ZNF451: variants seen among roughly 807,000 people sequenced by gnomAD.
ZNF451 encodes zinc finger protein 451, also known as E3 SUMO-protein ligase ZNF451.
A neutral mutation model predicts 107.1 loss-of-function variants in ZNF451; 80 were observed. The ratio of observed to expected loss-of-function variants is 0.75; its 90% CI spans 0.62 to 0.90. The LOEUF (loss-of-function observed/expected upper bound fraction) is 0.90, where lower values mean the gene tolerates loss of function less well. Ranked by LOEUF, ZNF451 falls within the 40% of genes least tolerant of loss-of-function variation. The pLI, the probability that ZNF451 is intolerant of heterozygous loss-of-function variation, is 0.00. For missense variants in ZNF451, 1,107 were observed against 1,236.2 expected, an observed-to-expected ratio of 0.90 and a Z score of 1.57; for synonymous variants, 362 against 406.5, an observed-to-expected ratio of 0.89 and a Z score of 1.32.
chr6:57,106,539 C>T, intron 3 of ZNF451: 1 of 909,112 alleles, frequency 1.1e-6, no homozygotes, highest in Non-Finnish European at 1.3e-6. Flanking sequence ...CTCCTGACCT[C>T]AAGTGATCCG....
In ZNF451 at chr6:57,102,990, C is replaced by A. The variant is rs149213364; in HGVS notation, c.186+3849C>A. On this transcript the variant is annotated intron_variant, in intron 3 of 14. Transcript: ENST00000370706. ...GTCTCTCACTGTAAGCTGGGCCTTTCACCAAGATGGCCTTCTTAAACAACC... is the reference window on the plus strand; with the variant it reads ...GTCTCTCACTGTAAGCTGGGCCTTTAACCAAGATGGCCTTCTTAAACAACC... The A allele has an allele frequency of 1.9e-5, 19 of 985,428 alleles. No homozygotes were observed. In the African/African-American group the frequency reaches 3.3e-4, roughly 17 times the overall value. The allele number at this position is 985,428 out of a possible 1,614,324, so 61.0% of individuals were successfully genotyped here.
chr6:57,142,796 G>C (rs187294681), intron 9 of ZNF451, among the ~76,000 whole-genome samples: 40 of 152,260 alleles, frequency 2.6e-4, no homozygotes, highest in African/African-American at 8.7e-4. Flanking sequence ...GGTCGTATTA[G>C]TTTCATTCCT....
Position 57,141,474 on chromosome 6 carries a change from CT to C in ZNF451, c.856+20del, listed in dbSNP as rs1211302766. On this transcript the variant is annotated intron_variant, in intron 8 of 14. Transcript: ENST00000370706. Reference sequence around the variant, plus strand: ...CTGGGTGGTATGTTAATACTCTCTTCTGCTGAAAATTAAACTACTTGAATCT... The same window carrying C: ...CTGGGTGGTATGTTAATACTCTCTTCGCTGAAAATTAAACTACTTGAATCT... 4.4e-6 allele frequency: 7 copies of C among 1,584,434 alleles called. No individual in the cohort carries two copies. The highest frequency in any genetic ancestry group is 5.2e-6 in the Non-Finnish European group (6 of 1,162,286).
chr6:57,115,809 A>G (rs1357429899), intron 3 of ZNF451, among the ~76,000 whole-genome samples: 1 of 152,178 alleles, frequency 6.6e-6, no homozygotes, highest in Non-Finnish European at 1.5e-5. Flanking sequence ...ATTGGCTAGC[A>G]TTGATAGCTT....
intron 2 of ZNF451, among the ~76,000 whole-genome samples, chr6:57,091,795 G>C (rs1829060331): frequency 6.6e-6 from 1 of 152,208 alleles, no homozygotes; most frequent in Non-Finnish European, 1.5e-5. Flanking sequence ...AGTGTCAGAT[G>C]TGCATTTATG....
rs377097266 is a variant in ZNF451 at position 57,153,867 on chromosome 6, C to T, written c.2890C>T (p.Arg964Cys). 3.7e-6 allele frequency: 6 copies of T among 1,613,980 alleles called. No homozygotes were observed. The highest frequency in any genetic ancestry group is 1.7e-4 in the Middle Eastern group (1 of 5,996). Residue 964 changes from arginine (R) to cysteine (C), a missense_variant, in exon 13 of 15, where the codon CGT becomes TGT. Arg to Cys is a radical substitution (Grantham distance 180). Coordinates refer to ENST00000370706, the MANE Select transcript of ZNF451 (RefSeq NM_001031623.3). ...ADFAICMHAG[R>C]LDEQLPKQIP... The stretch of plus-strand genomic sequence containing the variant: ...GCCATTTGTTCTAACTTAGGCTGGC[C>T]GTCTAGATGAACAACTACCCAAGCA...
chr6:57,122,216 A>G (rs966245657), intron 3 of ZNF451, among the ~76,000 whole-genome samples: 1 of 152,190 alleles, frequency 6.6e-6, no homozygotes, highest in Non-Finnish European at 1.5e-5. Context: ...CTCACCATAT[A>G]TAAAAATTAA....
intron 7 of ZNF451, among the ~76,000 whole-genome samples, chr6:57,139,027 A>G (rs1441460211): frequency 1.3e-5 from 2 of 152,076 alleles, no homozygotes; most frequent in African/African-American, 4.8e-5. Flanking sequence ...TCACAATTAA[A>G]CTAAAAATGA....
At position 57,142,290 on chromosome 6, in the gene ZNF451, G is replaced by A. The variant is rs116691222; in HGVS notation, c.1004+195G>A. On this transcript the variant is annotated intron_variant, in intron 9 of 14. Transcript: ENST00000370706. ...GTGGATATATTGATATTCTGCAAGT[G>A]TAAAGCAAGCTAACAGTTCTAAGTT... Among the ~76,000 whole-genome samples the A allele has an allele frequency of 1.8e-3, 267 of 152,344 alleles. 1 individual carries two copies. Among genetic ancestry groups the A allele is most frequent in the Non-Finnish European group, 2.2e-3 (148 of 68,030 alleles).
intron 3 of ZNF451, chr6:57,103,731 G>A (rs1293800758): frequency 4.1e-6 from 4 of 985,182 alleles, no homozygotes; most frequent in Non-Finnish European, 4.8e-6. Context: ...ACTGCTAATG[G>A]AATATGGCAC....
chr6:57,138,741 A>ATATATG (rs1365084616), intron 7 of ZNF451, among the ~76,000 whole-genome samples: 146 of 46,564 alleles, frequency 3.1e-3, no homozygotes, highest in Non-Finnish European at 3.6e-3. Context: ...ATATATATAT[A>ATATATG]TGTGTGTGTG....
Position 57,090,267 on chromosome 6 carries a change from G to C in ZNF451, c.14G>C (p.Gly5Ala). MGDP[G>A]SEIIESVPPA... ...GCCGTCGGAGACATGGGAGACCCGG[G>C]GTCGGAGGTGAGTAGTCGAGTGAGG... Residue 5 changes from glycine to alanine, a missense_variant, in exon 1 of 15, where the codon GGG becomes GCG. Physicochemically the swap from Gly to Ala is moderately conservative, Grantham distance 60 (BLOSUM62 0). Transcript: ENST00000370706. 1 of 1,611,364 alleles carries C rather than the reference G, an allele frequency of 6.2e-7. No homozygotes were observed. The highest frequency in any genetic ancestry group is 8.5e-7 in the Non-Finnish European group (1 of 1,179,500).
rs1344270959 is a variant in ZNF451 at position 57,106,914 on chromosome 6, T to TA, written c.186+7774dup. On this transcript the variant is annotated intron_variant, in intron 3 of 14. Transcript: ENST00000370706. ...CAAATCTTTTTATTATTTTTCCAGA[T>TA]ATATTGAGTTTTATAAACCATTAAA... 3 of 939,406 alleles carry TA rather than the reference T, an allele frequency of 3.2e-6. No homozygotes were observed. The East Asian group carries it at 3.5e-4, about 109-fold the overall frequency. 58.2% of individuals were successfully genotyped at this position (939,406 alleles called of 1,614,324 possible).
rs1289823912 is a variant in ZNF451 at position 57,147,260 on chromosome 6, A to G, written c.1175A>G (p.Asn392Ser). 3.7e-6 allele frequency: 6 copies of G among 1,613,938 alleles called. No homozygotes were observed. The highest frequency in any genetic ancestry group is 5.1e-6 in the Non-Finnish European group (6 of 1,179,988). Reference sequence around the variant, plus strand: ...TCAGGACACAAAGTCCGAGTCATTAACTCAGTGGAAGAATCAGTCTTACTC... The same window carrying G: ...TCAGGACACAAAGTCCGAGTCATTAGCTCAGTGGAAGAATCAGTCTTACTC... ...QNSGHKVRVI[N>S]SVEESVLLYC... Residue 392 changes from asparagine (N) to serine (S), a missense_variant, in exon 10 of 15, where the codon AAC becomes AGC. By Grantham distance (46) the Asn-to-Ser change is conservative (BLOSUM62 1). Coordinates refer to ENST00000370706, the MANE Select transcript of ZNF451 (RefSeq NM_001031623.3).
chr6:57,158,067 A>G (rs982438294), intron 13 of ZNF451, among the ~76,000 whole-genome samples: 1 of 152,182 alleles, frequency 6.6e-6, no homozygotes, highest in African/African-American at 2.4e-5. Flanking sequence ...ACCCCATTTT[A>G]TAAGTGTGGA....
intron 2 of ZNF451, among the ~76,000 whole-genome samples, chr6:57,097,249 G>A (rs1298952156): frequency 1.3e-5 from 2 of 152,044 alleles, no homozygotes; most frequent in African/African-American, 4.8e-5. Flanking sequence ...TTTTATCTTG[G>A]TATCTGAATT....
intron 14 of ZNF451, chr6:57,164,790 A>G (rs1389491970): frequency 6.6e-6 from 1 of 152,232 alleles, no homozygotes; most frequent in African/African-American, 2.4e-5. Flanking sequence ...TTTGTTTGCC[A>G]TAATTACTGC....
intron 4 of ZNF451, chr6:57,126,431 A>T (rs1830933134): frequency 6.6e-6 from 1 of 152,174 alleles, no homozygotes; most frequent in Admixed American, 6.6e-5. Context: ...CCAGAAAGGA[A>T]GATATTGAAA....
chr6:57,094,345 C>G, intron 2 of ZNF451, among the ~76,000 whole-genome samples: 1 of 151,908 alleles, frequency 6.6e-6, no homozygotes, highest in African/African-American at 2.4e-5. Context: ...GGGTCTCACT[C>G]TTGCCCAGGC....
Sources: allele counts gnomAD v4.1 joint callset (sites outside exome capture counted in the v4.1 genomes callset), GRCh38; gene constraint gnomAD v4.1.1; transcripts MANE v1.5; gene names NCBI Gene and HGNC (gene_info 2026-07-23, HGNC 2026-07-21).